TULP4: variants seen among roughly 807,000 people sequenced by gnomAD.
TULP4 encodes the protein tubby-related protein 4.
In TULP4, 16 loss-of-function variants were observed where a neutral mutation model predicts 129.0. The ratio of observed to expected loss-of-function variants is 0.12; its 90% CI spans 0.08 to 0.19. The LOEUF (loss-of-function observed/expected upper bound fraction) is 0.19. Ranked by LOEUF, TULP4 falls within the 10% of genes least tolerant of loss-of-function variation. TULP4 has a pLI of 1.00. For synonymous variants in TULP4, 998 were observed against 854.0 expected, an observed-to-expected ratio of 1.17 and a Z score of -2.94; for missense variants, 1,842 against 2,059.1, an observed-to-expected ratio of 0.89 and a Z score of 2.04.
intron 1 of TULP4, among the ~76,000 whole-genome samples, chr6:158,369,610 G>A (rs1214240933): frequency 6.6e-6 from 1 of 152,178 alleles, no homozygotes; most frequent in Non-Finnish European, 1.5e-5. Context: ...TTTGCACTGG[G>A]ACATTTTCAC....
intron 2 of TULP4, among the ~76,000 whole-genome samples, chr6:158,422,682 G>A (rs1466374988): frequency 2.6e-5 from 4 of 152,198 alleles, no homozygotes; most frequent in African/African-American, 9.7e-5. Flanking sequence ...CCCCAAGTGC[G>A]GTGGATACCA....
rs754769786 is a variant in TULP4 at position 158,502,940 on chromosome 6, G to A, written c.3277G>A (p.Ala1093Thr). 1 of 1,613,962 alleles carries A rather than the reference G, an allele frequency of 6.2e-7. No individual in the cohort carries two copies. The highest frequency in any genetic ancestry group is 1.7e-5 in the Admixed American group (1 of 60,024). ...CAACTCGGCCTTCACGGAGGACGAG[G>A]CCCTGTCCCAGCACTGTCAGCTTGA... ...YVNSAFTEDE[A>T]LSQHCQLEKP... The change falls in exon 13 of 14, where the codon GCC (alanine) becomes ACC (threonine). Residue 1093 changes from alanine to threonine, a missense_variant. Around this residue, in one of 5 missense-constraint regions of TULP4, gnomAD observed 1,089 missense variants for 987.1 expected, o/e 1.10. Transcript: ENST00000367097.
upstream of TULP4, among the ~76,000 whole-genome samples, chr6:158,280,299 C>G (rs1422119083): frequency 6.6e-6 from 1 of 152,072 alleles, no homozygotes; most frequent in East Asian, 1.9e-4. Context: ...GCCATTTTAT[C>G]TTTTTTTAAT....
intron 2 of TULP4, among the ~76,000 whole-genome samples, chr6:158,415,191 G>T (rs1231020427): frequency 6.6e-6 from 1 of 152,128 alleles, no homozygotes; most frequent in Non-Finnish European, 1.5e-5. Flanking sequence ...CACATGACTC[G>T]TGTTTGTGGT....
intron 1 of TULP4, among the ~76,000 whole-genome samples, chr6:158,406,096 A>C (rs1005237039): frequency 6.6e-6 from 1 of 152,168 alleles, no homozygotes; most frequent in Non-Finnish European, 1.5e-5. Context: ...GTGCTTCCTG[A>C]ATACTCATTG....
chr6:158,340,997 T>C (rs1167104908), intron 1 of TULP4, among the ~76,000 whole-genome samples: 1 of 152,196 alleles, frequency 6.6e-6, no homozygotes, highest in Admixed American at 6.5e-5. Flanking sequence ...CCATGGATTT[T>C]CCTAGTATGC....
intron 2 of TULP4, among the ~76,000 whole-genome samples, chr6:158,421,650 T>G (rs1754417): frequency 0.72 from 109,065 of 151,572 alleles, 39,903 homozygotes; most frequent in African/African-American, 0.79. Flanking sequence ...GGGTCTGGAA[T>G]CAAAAGATCT....
chr6:158,347,953 T>G (rs1435607112), intron 1 of TULP4, among the ~76,000 whole-genome samples: 1 of 152,052 alleles, frequency 6.6e-6, no homozygotes, highest in Non-Finnish European at 1.5e-5. Context: ...GCATATTTCA[T>G]CAAATGAAAA....
intron 1 of TULP4, among the ~76,000 whole-genome samples, chr6:158,366,643 A>T (rs1238866258): frequency 6.6e-6 from 1 of 152,188 alleles, no homozygotes; most frequent in African/African-American, 2.4e-5. Context: ...CCTCAGCCTT[A>T]TCGCCAGGCT....
chr6:158,331,798 T>G (rs1779900856), intron 1 of TULP4, among the ~76,000 whole-genome samples: 1 of 128,824 alleles, frequency 7.8e-6, no homozygotes, highest in Non-Finnish European at 1.6e-5. Context: ...CATACCTACA[T>G]ACACACATTC....
chr6:158,299,080 T>A (rs1157365172), intron 1 of TULP4, among the ~76,000 whole-genome samples: 1 of 152,136 alleles, frequency 6.6e-6, no homozygotes, highest in African/African-American at 2.4e-5. Context: ...AATAGCCAAT[T>A]TCCAAAGTTC....
At chr6:158,464,494 C>G (rs1013483158) in intron 6 of TULP4, among the ~76,000 whole-genome samples, 1 of 152,168 alleles carries the variant, frequency 6.6e-6, no homozygotes, top group Non-Finnish European at 1.5e-5. Flanking sequence ...CAACACCCCC[C>G]GCCGCAAGAC....
chr6:158,492,144 C>T (rs7744230), intron 9 of TULP4, among the ~76,000 whole-genome samples: 116,562 of 152,204 alleles, frequency 0.77, 44,980 homozygotes, highest in East Asian at 0.86. Flanking sequence ...AGGTGTGAGC[C>T]ACCGCACCCA....
chr6:158,444,683 G>A (rs1327498472), intron 3 of TULP4, among the ~76,000 whole-genome samples: 2 of 152,090 alleles, frequency 1.3e-5, no homozygotes, highest in African/African-American at 2.4e-5. Flanking sequence ...TCCTCCTTTG[G>A]TTGTGGCTTG....
Position 158,481,174 on chromosome 6 carries a change from C to T in TULP4, c.1371C>T (p.Cys457=). 6.2e-7 allele frequency: 1 copy of T among 1,614,234 alleles called. No homozygotes were observed. Among genetic ancestry groups the T allele is most frequent in the South Asian group, 1.1e-5 (1 of 91,086 alleles). The change falls in exon 8 of 14, where the codon TGC becomes TGT. Residue 457 remains cysteine, a synonymous_variant. Coordinates refer to ENST00000367097, the MANE Select transcript of TULP4 (RefSeq NM_020245.5). ...ACGACCCGGAGGTGGGCGGCCCGTG[C>T]TACACGCTCTACCTGGAGTACCTGG... is the stretch of plus-strand genomic sequence containing the variant. The part of the protein sequence containing the change: ...TEDDPEVGGP[C]YTLYLEYLGG...
Position 158,383,371 on chromosome 6 carries a change from A to G in TULP4, c.253-29694A>G, listed in dbSNP as rs544814530. On this transcript the variant is annotated intron_variant, in intron 1 of 13. Coordinates refer to ENST00000367097, the MANE Select transcript of TULP4 (RefSeq NM_020245.5). ...ACATGGGATGATTATATCTACTTCTATGGTACTGTTGTGAGAATTATAATG... is the reference window on the plus strand; with the variant it reads ...ACATGGGATGATTATATCTACTTCTGTGGTACTGTTGTGAGAATTATAATG... Among the ~76,000 whole-genome samples, 121 of 152,304 alleles carry G rather than the reference A, an allele frequency of 7.9e-4. 1 individual carries two copies. Among genetic ancestry groups the G allele is most frequent in the African/African-American group, 2.0e-3 (84 of 41,568 alleles).
rs958109313 is a variant in TULP4, at chr6:158,508,889, T to G, written c.*2195T>G. On this transcript the variant is annotated 3_prime_UTR_variant, in exon 14 of 14. Transcript: ENST00000367097. ...GGATATGATAGAAGGTTTTTTTTTT[T>G]TTTTTTTTTTTTTTTTGAGACGGAG... The G allele has an allele frequency of 1.8e-4, 25 of 136,626 alleles. No individual in the cohort carries two copies. The highest frequency in any genetic ancestry group is 3.5e-4 in the Non-Finnish European group (22 of 63,358). The allele number at this position is 136,626 out of a possible 1,614,324, so 8.5% of individuals were successfully genotyped here.
At position 158,506,876 on chromosome 6, in the gene TULP4, T is replaced by C. The variant is rs951070537; in HGVS notation, c.*182T>C. ...TGGTCGTCATTTATTTGGTTGGGTT[T>C]TATTACCTTTTATTGTCTGTTCTTC... On this transcript the variant is annotated 3_prime_UTR_variant, in exon 14 of 14. Transcript: ENST00000367097. 2 of 584,750 alleles carry C rather than the reference T, an allele frequency of 3.4e-6. No individual in the cohort carries two copies. The highest frequency in any genetic ancestry group is 3.7e-5 in the African/African-American group (2 of 53,416). The allele number at this position is 584,750 out of a possible 1,614,324, so 36.2% of individuals were successfully genotyped here. A position where few individuals can be genotyped will look rare whatever the true frequency, so the allele number is the denominator to read the frequency against.
intron 1 of TULP4, among the ~76,000 whole-genome samples, chr6:158,385,803 C>T (rs1777429652): frequency 7.4e-6 from 1 of 134,634 alleles, no homozygotes; most frequent in South Asian, 2.4e-4. Flanking sequence ...TGACATGCAG[C>T]TCAGCTTATG....
Sources: gnomAD v4.1 joint callset for allele counts (sites outside exome capture counted in the v4.1 genomes callset) on GRCh38, gnomAD v4.1.1 for gene constraint, gnomAD v4.1.1 regional missense constraint, MANE v1.5 for transcripts, NCBI Gene and HGNC (gene_info 2026-07-23, HGNC 2026-07-21) for gene names.